IRAK1: variants seen among roughly 807,000 people sequenced by gnomAD.
IRAK1 encodes the protein interleukin-1 receptor-associated kinase 1.
Under a neutral mutation model 49.8 loss-of-function variants are expected in IRAK1, and 9 were observed. The observed-to-expected ratio is 0.18, with a 90% CI of 0.11 to 0.32. IRAK1 has a LOEUF of 0.32. Ranked by LOEUF, IRAK1 falls within the 10% of genes least tolerant of loss-of-function variation. The pLI, the probability that IRAK1 is intolerant of heterozygous loss-of-function variation, is 1.00. For missense variants in IRAK1, 418 were observed against 600.5 expected, an observed-to-expected ratio of 0.70 and a Z score of 3.18; for synonymous variants, 282 against 270.8, an observed-to-expected ratio of 1.04 and a Z score of -0.41.
intron 4 of IRAK1, 67 bp downstream of exon 4, chrX:154,018,908 G>T: frequency 2.0e-6 from 2 of 975,780 alleles, no homozygotes; most frequent in Non-Finnish European, 2.8e-6. Flanking sequence ...GGGGCTCTGC[G>T]CTACATCAAA....
chrX:154,016,746 C>A, intron 8 of IRAK1, 102 bp from the exon 9 acceptor site: 1 of 761,587 alleles, frequency 1.3e-6, no homozygotes. Flanking sequence ...GCCTTGCCCA[C>A]AGAAAGCGCT....
rs1557129917 is a variant in IRAK1, at chrX:154,018,041, G to A, written c.874C>T (p.Pro292Ser). ...AGACGGTCCTCCAGGGAGCCGTTGG[G>A]CAGGAAGCCGTACACCAGGCAGTAG... ...GFYCLVYGFL[P>S]NGSLEDRLHC... The change falls in exon 7 of 14, where the codon CCC becomes TCC. Residue 292 changes from proline to serine, a missense_variant. Pro to Ser is a moderately conservative substitution (Grantham distance 74). Transcript: ENST00000369980. 2.5e-6 allele frequency: 3 copies of A among 1,210,191 alleles called. No individual in the cohort carries two copies. The South Asian group carries it at 5.3e-5, about 21-fold the overall frequency.
At position 154,013,091 on chromosome X, in the gene IRAK1, C is replaced by T. The variant is rs782090147; in HGVS notation, c.1882G>A (p.Glu628Lys). The stretch of plus-strand genomic sequence containing the variant: ...CCTGGGCCACTCCCCCAGCTCGATT[C>T]TCCTGCCGTGTCCCCCTGAGGACAG... ...AGCPQGDTAG[E>K]SSWGSGPGSR... is the part of the protein sequence containing the mutation. Residue 628 changes from glutamate to lysine, a missense_variant, in exon 12 of 14, where the codon GAA becomes AAA. By Grantham distance (56) the Glu-to-Lys change is moderately conservative (BLOSUM62 1). Around this residue, in one of 3 missense-constraint regions of IRAK1, gnomAD observed 377 missense variants for 499.5 expected, o/e 0.75. Coordinates refer to ENST00000369980, the MANE Select transcript of IRAK1 (RefSeq NM_001569.4). The T allele has an allele frequency of 1.7e-6, 2 of 1,210,169 alleles. No individual in the cohort carries two copies. The highest frequency in any genetic ancestry group is 3.5e-5 in the South Asian group (2 of 56,959).
intron 6 of IRAK1, 46 bp from the exon 7 acceptor site, chrX:154,018,166 G>T: frequency 9.0e-7 from 1 of 1,110,146 alleles, no homozygotes; most frequent in Non-Finnish European, 1.2e-6. Flanking sequence ...GACTGGGTGG[G>T]CAGCCCTGGC....
intron 9 of IRAK1, 73 bp downstream of exon 9, chrX:154,016,364 C>T: frequency 8.8e-6 from 9 of 1,021,903 alleles, no homozygotes; most frequent in Non-Finnish European, 1.2e-5. Context: ...GCCCGCAGTG[C>T]ACTCTGCAGC....
In IRAK1 at chrX:154,018,307, C is replaced by T. The variant is rs1557130076; in HGVS notation, c.778G>A (p.Val260Met). 1.7e-6 allele frequency: 2 copies of T among 1,166,083 alleles called. No homozygotes were observed. Among genetic ancestry groups the T allele is most frequent in the Non-Finnish European group, 2.3e-6 (2 of 871,231 alleles). ...TGGCCTCACCTGGACAGCTGCTCCA[C>T]CTCGGTCAGGAAGCTCTGCTTCACT... ...TAVKQSFLTEVEQLSRFRHPN... is the reference protein window; with the variant it reads ...TAVKQSFLTEMEQLSRFRHPN... Residue 260 changes from valine (V) to methionine (M), a missense_variant, in exon 6 of 14, where the codon GTG becomes ATG. Around this residue, in one of 3 missense-constraint regions of IRAK1, gnomAD observed 377 missense variants for 499.5 expected, o/e 0.75. Coordinates refer to ENST00000369980, the MANE Select transcript of IRAK1 (RefSeq NM_001569.4).
chrX:154,018,127 G>A lies in IRAK1; in HGVS notation c.795-7C>T, dbSNP rs2065753259. ...AATGTTTGGGTGACGAAACCTGTTT[G>A]AAAAAGGGGAGCACTTTCCATCAGG... is the stretch of plus-strand genomic sequence containing the variant. On this transcript the variant is annotated splice_polypyrimidine_tract_variant and splice_region_variant and intron_variant, in intron 6 of 13. Transcript: ENST00000369980. 8.5e-7 allele frequency: 1 copy of A among 1,180,573 alleles called. No homozygotes were observed. Among genetic ancestry groups the A allele is most frequent in the Non-Finnish European group, 1.2e-6 (1 of 866,825 alleles).
At position 154,014,272 on chromosome X, in the gene IRAK1, G is replaced by T. The variant is rs1557128524; in HGVS notation, c.1309C>A (p.Leu437Met). The stretch of plus-strand genomic sequence containing the variant: ...GCCTCCTCAGCCTCCTCTTCCACCA[G>T]GTCTTTCTGTGGGATAAATACTGTC... ...HGARTKYLKD[L>M]VEEEAEEAGV... The change falls in exon 11 of 14, where the codon CTG becomes ATG. Residue 437 changes from leucine (L) to methionine (M), a missense_variant. Physicochemically the swap from Leu to Met is conservative, Grantham distance 15. Around this residue, in one of 3 missense-constraint regions of IRAK1, gnomAD observed 377 missense variants for 499.5 expected, o/e 0.75. Coordinates refer to ENST00000369980, the MANE Select transcript of IRAK1 (RefSeq NM_001569.4). 3.3e-6 allele frequency: 4 copies of T among 1,208,199 alleles called. No individual in the cohort carries two copies. The Admixed American group carries it at 8.8e-5, about 27-fold the overall frequency.
chrX:154,012,367 C>T (rs1252300555), intron 13 of IRAK1, among the ~76,000 whole-genome samples, 162 bp downstream of exon 13: 2 of 112,691 alleles, frequency 1.8e-5, no homozygotes, highest in Admixed American at 9.3e-5. Flanking sequence ...CAGGGTCTTG[C>T]TAAGGGAGGC....
At position 154,019,060 on chromosome X, in the gene IRAK1, G is replaced by C. The variant is rs782422452; in HGVS notation, c.455C>G (p.Thr152Ser). Residue 152 changes from threonine (T) to serine (S), a missense_variant, in exon 4 of 14, where the codon ACC becomes AGC. Physicochemically the swap from Thr to Ser is moderately conservative, Grantham distance 58. Around this residue, in one of 3 missense-constraint regions of IRAK1, gnomAD observed 377 missense variants for 499.5 expected, o/e 0.75. Transcript: ENST00000369980. ...CAGGCCGAGCTCAGGCCCTGAATGG[G>C]TCTGGGAGCCTGGAAAAGCTTCATA... Reference protein sequence around the residue: ...FLSPAFPGSQTHSGPELGLVP... With the variant: ...FLSPAFPGSQSHSGPELGLVP... The C allele has an allele frequency of 8.6e-5, 104 of 1,209,021 alleles. No homozygotes were observed. The highest frequency in any genetic ancestry group is 1.1e-4 in the Non-Finnish European group (99 of 894,038).
Position 154,019,885 on chromosome X carries a change from G to A in IRAK1, c.-73C>T. 1.9e-6 allele frequency: 1 copy of A among 529,553 alleles called. No individual in the cohort carries two copies. Among genetic ancestry groups the A allele is most frequent in the Non-Finnish European group, 2.3e-6 (1 of 435,076 alleles). The allele number at this position is 529,553 out of a possible 1,213,427, so 43.6% of individuals were successfully genotyped here. ...GCGGGCGCGGGCCTGGGCCGGCCGG[G>A]TCCGCGGACACTGACTCACTTCCCC... is the stretch of plus-strand genomic sequence containing the variant. On this transcript the variant is annotated 5_prime_UTR_variant, in exon 1 of 14. Coordinates refer to ENST00000369980, the MANE Select transcript of IRAK1 (RefSeq NM_001569.4).
intron 7 of IRAK1, among the ~76,000 whole-genome samples, chrX:154,017,566 C>T (rs937687697): frequency 4.5e-5 from 5 of 111,579 alleles, no homozygotes; most frequent in Admixed American, 9.4e-5. Context: ...GAGGCTGAGG[C>T]GCGCAGACCA....
At position 154,013,997 on chromosome X, in the gene IRAK1, C is replaced by T. The variant is rs782195216; in HGVS notation, c.1539+45G>A. ...TCACTACAGAGCAAGGCCTGGAATG[C>T]GGGCTTTCTATCTGGCCACCCCGTC... On this transcript the variant is annotated intron_variant, in intron 11 of 13. Transcript: ENST00000369980. The T allele has an allele frequency of 1.1e-5, 13 of 1,179,488 alleles. No homozygotes were observed. The East Asian group carries it at 1.2e-4, about 11-fold the overall frequency.
Position 154,012,602 on chromosome X carries a change from C to A in IRAK1, c.2007G>T (p.Met669Ile). The A allele has an allele frequency of 8.3e-7, 1 of 1,211,659 alleles. No individual in the cohort carries two copies. The highest frequency in any genetic ancestry group is 3.0e-5 in the East Asian group (1 of 33,847). The change falls in exon 13 of 14, where the codon ATG becomes ATT. Residue 669 changes from methionine (M) to isoleucine (I), a missense_variant. Physicochemically the swap from Met to Ile is conservative, Grantham distance 10. Coordinates refer to ENST00000369980, the MANE Select transcript of IRAK1 (RefSeq NM_001569.4). ...QIIINPARQK[M>I]VQKLALYEDG... ...CCTCGTACAGGGCCAGCTTCTGGAC[C>A]ATCTTCTGTCGGGCAGGGTTGATGA... is the stretch of plus-strand genomic sequence containing the variant.
rs900966517 is a variant in IRAK1, at chrX:154,011,379, C to T, written c.*480G>A. On this transcript the variant is annotated 3_prime_UTR_variant, in exon 14 of 14. Coordinates refer to ENST00000369980, the MANE Select transcript of IRAK1 (RefSeq NM_001569.4). ...TGCTGGGATTACAGGCGTGAGCCAC[C>T]GCACCCGGCCACACTTTTCCAAATT... The T allele has an allele frequency of 2.4e-5, 6 of 246,876 alleles. No homozygotes were observed. The highest frequency in any genetic ancestry group is 1.1e-4 in the Admixed American group (2 of 18,914). 20.3% of individuals were successfully genotyped at this position (246,876 alleles called of 1,213,427 possible). A position where few individuals can be genotyped will look rare whatever the true frequency, so the allele number is the denominator to read the frequency against.
Position 154,010,826 on chromosome X carries a change from C to T in IRAK1, c.*1033G>A, listed in dbSNP as rs1419378134. 1 of 281,079 alleles carries T rather than the reference C, an allele frequency of 3.6e-6. No homozygotes were observed. Among genetic ancestry groups the T allele is most frequent in the Non-Finnish European group, 6.9e-6 (1 of 144,826 alleles). The allele number at this position is 281,079 out of a possible 1,213,427, so 23.2% of individuals were successfully genotyped here. A position where few individuals can be genotyped will look rare whatever the true frequency, so the allele number is the denominator to read the frequency against. ...CCTAGCTAGACCTTGGGTAGTGGCC[C>T]CTCTGCCACAATCAGTGCCTGGGCC... On this transcript the variant is annotated 3_prime_UTR_variant, in exon 14 of 14. Transcript: ENST00000369980.
chrX:154,016,480 G>A lies in IRAK1; in HGVS notation c.1193C>T (p.Thr398Met), dbSNP rs56340948. The A allele has an allele frequency of 3.4e-5, 41 of 1,210,875 alleles. No homozygotes were observed. Among genetic ancestry groups the A allele is most frequent in the East Asian group, 1.8e-4 (6 of 33,791 alleles). The change falls in exon 9 of 14, where the codon ACG becomes ATG. Residue 398 changes from threonine (T) to methionine (M), a missense_variant. Coordinates refer to ENST00000369980, the MANE Select transcript of IRAK1 (RefSeq NM_001569.4). ...LAYLPEEYIK[T>M]GRLAVDTDTF... The stretch of plus-strand genomic sequence containing the variant: ...GTCCGTGTCCACAGCCAGCCTTCCC[G>A]TCTTGATGTACTCCTCGGGCAGGTA...
In IRAK1 at chrX:154,013,365, G is replaced by C; in HGVS notation, c.1608C>G (p.Ser536Arg). The change falls in exon 12 of 14, where the codon AGC (serine) becomes AGG (arginine). Residue 536 changes from serine to arginine, a missense_variant. Transcript: ENST00000369980. ...AGVPGHSEAA[S>R]CIPPSPQENS... is the part of the protein sequence containing the mutation. ...TCTCCTGCGGGGAAGGGGGGATGCA[G>C]CTGGCGGCCTCCGAATGCCCGGGCA... is the stretch of plus-strand genomic sequence containing the variant. The C allele has an allele frequency of 8.3e-7, 1 of 1,203,916 alleles. No individual in the cohort carries two copies.
intron 10 of IRAK1, among the ~76,000 whole-genome samples, chrX:154,015,230 C>A (rs2065730491): frequency 8.9e-6 from 1 of 112,090 alleles, no homozygotes; most frequent in African/African-American, 3.2e-5. Context: ...GGCAAAGGGG[C>A]CTTTGAAAAG....
Sources: gnomAD v4.1 joint callset for allele counts (sites outside exome capture counted in the v4.1 genomes callset) on GRCh38, gnomAD v4.1.1 for gene constraint, gnomAD v4.1.1 regional missense constraint, MANE v1.5 for transcripts, NCBI Gene and HGNC (gene_info 2026-07-23, HGNC 2026-07-21) for gene names.